Variants in RAPGEF2 observed in about 807,000 individuals in gnomAD.
RAPGEF2 encodes Rap guanine nucleotide exchange factor 2, also known as PDZ domain containing guanine nucleotide exchange factor (GEF) 1.
RAPGEF2 carries 54 observed loss-of-function variants against 186.7 expected under a neutral mutation model. That is an observed-to-expected ratio of 0.29 (90% CI 0.23 to 0.36). RAPGEF2 has a LOEUF of 0.36. RAPGEF2 is among the 10% of genes least tolerant of loss of function. The pLI is 1.00. For synonymous variants in RAPGEF2, 712 were observed against 705.9 expected (o/e 1.01, Z -0.14); for missense variants, 1,532 against 2,045.0 (o/e 0.75, Z 4.84).
At chr4:159,171,440 T>C (rs1270594266) in intron 1 of RAPGEF2, among the ~76,000 whole-genome samples, 3 of 152,178 alleles carry the variant, frequency 2.0e-5, no homozygotes, top group Admixed American at 6.5e-5. Flanking sequence ...TGTTCAGGGA[T>C]GCCAAGCTGG....
chr4:159,344,399 GA>G (rs1272398300), intron 23 of RAPGEF2, among the ~76,000 whole-genome samples: 1 of 152,158 alleles, frequency 6.6e-6, no homozygotes, highest in Non-Finnish European at 1.5e-5. Context: ...AAGGATATTA[GA>G]AGGGAAAAGT....
chr4:159,268,382 G>A (rs566864054), intron 7 of RAPGEF2, among the ~76,000 whole-genome samples: 2 of 152,188 alleles, frequency 1.3e-5, no homozygotes, highest in East Asian at 3.9e-4. Flanking sequence ...TTCTTCCAAT[G>A]TTGTAATTTT....
intron 7 of RAPGEF2, among the ~76,000 whole-genome samples, chr4:159,281,917 C>CA (rs1469668379): frequency 6.6e-6 from 1 of 152,090 alleles, no homozygotes; most frequent in African/African-American, 2.4e-5. Flanking sequence ...ATGTGAATGC[C>CA]AGTTATTGTT....
intron 5 of RAPGEF2, among the ~76,000 whole-genome samples, chr4:159,239,276 A>G (rs1753664065): frequency 6.6e-6 from 1 of 152,150 alleles, no homozygotes; most frequent in African/African-American, 2.4e-5. Context: ...TGGTGTGAGA[A>G]CAATTTTGGA....
chr4:159,216,896 A>C (rs1273476972), intron 4 of RAPGEF2, among the ~76,000 whole-genome samples: 3 of 152,180 alleles, frequency 2.0e-5, no homozygotes. Flanking sequence ...TAATGAGAAT[A>C]AGTGGAGAAA....
intron 7 of RAPGEF2, among the ~76,000 whole-genome samples, chr4:159,295,769 G>GCA (rs1761934151): frequency 1.4e-5 from 2 of 146,444 alleles, no homozygotes; most frequent in Non-Finnish European, 1.5e-5. Context: ...GCGCGCGCGC[G>GCA]CGCGCATGCA....
chr4:159,352,602 T>G (rs1462251092), intron 26 of RAPGEF2, 83 bp from the exon 27 acceptor site: 2 of 1,140,420 alleles, frequency 1.8e-6, no homozygotes, highest in Non-Finnish European at 2.6e-6. Flanking sequence ...GCCTGCATTT[T>G]ATTTTTGCTT....
chr4:159,279,320 A>G (rs182592307), intron 7 of RAPGEF2, among the ~76,000 whole-genome samples: 4 of 152,328 alleles, frequency 2.6e-5, no homozygotes, highest in African/African-American at 9.6e-5. Flanking sequence ...GCACAGGTCT[A>G]TTTGGGGAAG....
At chr4:159,267,385 C>G (rs1757550315) in intron 7 of RAPGEF2, 2 of 1,195,970 alleles carry the variant, frequency 1.7e-6, no homozygotes, top group African/African-American at 3.1e-5. Context: ...TGTGCATGTG[C>G]TGTGTTTCTG....
At position 159,355,870 on chromosome 4, in the gene RAPGEF2, T is replaced by C; in HGVS notation, c.4669T>C (p.Tyr1557His). 1 of 1,548,564 alleles carries C rather than the reference T, an allele frequency of 6.5e-7. No individual in the cohort carries two copies. The highest frequency in any genetic ancestry group is 8.7e-7 in the Non-Finnish European group (1 of 1,145,294). The stretch of plus-strand genomic sequence containing the variant: ...TACTCTAGCACGAAAGGAGGGCAGG[T>C]ATCGAGAGCCCCCGCCCACCCCTCC... ...KGLIARKEGRYREPPPTPPGY... is the reference protein window; with the variant it reads ...KGLIARKEGRHREPPPTPPGY... Residue 1557 changes from tyrosine (Y) to histidine (H), a missense_variant, in exon 29 of 30, where the codon TAT becomes CAT. Transcript: ENST00000691494.
chr4:159,342,055 A>T (rs1729540728), intron 20 of RAPGEF2, 108 bp downstream of exon 20: 1 of 1,085,290 alleles, frequency 9.2e-7, no homozygotes, highest in Non-Finnish European at 1.3e-6. Flanking sequence ...GTTTTAATTG[A>T]CTCATAAGAG....
intron 1 of RAPGEF2, among the ~76,000 whole-genome samples, chr4:159,183,155 A>G (rs925760613): frequency 5.3e-5 from 8 of 152,222 alleles, no homozygotes; most frequent in Non-Finnish European, 1.2e-4. Context: ...GAACACTCAC[A>G]ATTCACAGTT....
chr4:159,271,480 A>T (rs1033561602), intron 7 of RAPGEF2, among the ~76,000 whole-genome samples: 1 of 152,202 alleles, frequency 6.6e-6, no homozygotes, highest in African/African-American at 2.4e-5. Flanking sequence ...AGCAGACACT[A>T]TATTACATAT....
At chr4:159,249,588 A>C (rs908663663) in intron 7 of RAPGEF2, among the ~76,000 whole-genome samples, 1 of 151,942 alleles carries the variant, frequency 6.6e-6, no homozygotes, top group African/African-American at 2.4e-5. Flanking sequence ...TATTTATATT[A>C]AGATAATTAA....
intron 3 of RAPGEF2, among the ~76,000 whole-genome samples, chr4:159,206,449 G>A (rs558452632): frequency 6.6e-6 from 1 of 152,294 alleles, no homozygotes; most frequent in Admixed American, 6.5e-5. Context: ...TCATTGCCTG[G>A]AAGTGAGGTC....
chr4:159,342,561 ATTTTATT>A (rs1729658516), intron 20 of RAPGEF2, among the ~76,000 whole-genome samples: 2 of 114,752 alleles, frequency 1.7e-5, no homozygotes, highest in East Asian at 2.2e-4. Flanking sequence ...ATATTATTTT[ATTTTATT>A]TTATTTTATT....
In RAPGEF2 at chr4:159,314,682, A is replaced by C. The variant is rs1764337765; in HGVS notation, c.767A>C (p.Glu256Ala). ...GACGACGACGATGAAGAAGACATTG[A>C]GAGAGCATCAGATCCTCTGATGAGC... ...SEDDDDEEDI[E>A]RASDPLMSRD... is the part of the protein sequence containing the mutation. The change falls in exon 9 of 30, where the codon GAG (glutamate) becomes GCG (alanine). Residue 256 changes from glutamate (E) to alanine (A), a missense_variant. By Grantham distance (107) the Glu-to-Ala change is moderately radical. This residue lies in a region of RAPGEF2 where 810 missense variants were observed against 1,210.5 expected (regional missense o/e 0.67). Transcript: ENST00000691494. The C allele has an allele frequency of 1.9e-6, 3 of 1,614,070 alleles. No individual in the cohort carries two copies. Among genetic ancestry groups the C allele is most frequent in the East Asian group, 2.2e-5 (1 of 44,862 alleles).
intron 7 of RAPGEF2, among the ~76,000 whole-genome samples, chr4:159,254,152 A>G (rs1423748210): frequency 6.6e-6 from 1 of 152,212 alleles, no homozygotes; most frequent in Non-Finnish European, 1.5e-5. Context: ...TATCAAGGAC[A>G]CTTTAATACT....
chr4:159,218,373 C>T (rs1751182768), intron 4 of RAPGEF2, among the ~76,000 whole-genome samples: 1 of 152,168 alleles, frequency 6.6e-6, no homozygotes, highest in Non-Finnish European at 1.5e-5. Flanking sequence ...ACCCTTTCCT[C>T]CTACCGTGGG....
Sources: gnomAD v4.1 joint callset for allele counts (sites outside exome capture counted in the v4.1 genomes callset) on GRCh38, gnomAD v4.1.1 for gene constraint, gnomAD v4.1.1 regional missense constraint, MANE v1.5 for transcripts, NCBI Gene and HGNC (gene_info 2026-07-23, HGNC 2026-07-21) for gene names.